The following RGS6 variants were observed in gnomAD, a reference collection of about 807,000 sequenced individuals.
RGS6 encodes regulator of G protein signaling 6.
Under a neutral mutation model 78.5 loss-of-function variants are expected in RGS6, and 30 were observed. That is an observed-to-expected ratio of 0.38 (90% confidence interval 0.29 to 0.52). RGS6 has a LOEUF of 0.52. Among genes scored for constraint, RGS6 ranks in the 20% least tolerant of loss-of-function variants. The pLI, the probability that RGS6 is intolerant of heterozygous loss-of-function variation, is 0.85. For synonymous variants in RGS6, 206 were observed against 206.0 expected, an observed-to-expected ratio of 1.00 and a Z score of 0.00; for missense variants, 495 against 609.7, an observed-to-expected ratio of 0.81 and a Z score of 1.98.
intron 13 of RGS6, among the ~76,000 whole-genome samples, chr14:72,503,047 G>A (rs1235515541): frequency 6.6e-6 from 1 of 152,136 alleles, no homozygotes; most frequent in Non-Finnish European, 1.5e-5. Flanking sequence ...AGTTCTGGAG[G>A]CTGGGAAGTT....
chr14:72,293,238 ATCATGTAACAAGTTCAAGATAATTGTGTT>A (rs1203080857), intron 2 of RGS6, among the ~76,000 whole-genome samples: 1 of 152,210 alleles, frequency 6.6e-6, no homozygotes, highest in Non-Finnish European at 1.5e-5. Context: ...CTTTGCCATT[ATCATGTAACAAGTTCAAGATAATTGTGTT>A]TCATCTCCAG....
the RGS6 span, among the ~76,000 whole-genome samples, chr14:71,883,291 T>G: frequency 6.6e-6 from 1 of 152,228 alleles, no homozygotes; most frequent in Non-Finnish European, 1.5e-5. Flanking sequence ...TCTGGACCTC[T>G]GTGCACCCAC....
chr14:71,998,064 G>A (rs1000537325), intron 2 of RGS6, among the ~76,000 whole-genome samples: 1 of 152,174 alleles, frequency 6.6e-6, no homozygotes, highest in Non-Finnish European at 1.5e-5. Flanking sequence ...GTTTTATACA[G>A]TTTAGGGAGA....
At chr14:71,943,141 C>G (rs941095863) in intron 1 of RGS6, among the ~76,000 whole-genome samples, 2 of 152,154 alleles carry the variant, frequency 1.3e-5, no homozygotes, top group African/African-American at 4.8e-5. Context: ...CTGTGTTGCT[C>G]TCATGAAGAC....
chr14:72,215,522 G>A (rs1006838981), intron 2 of RGS6, among the ~76,000 whole-genome samples: 1 of 152,202 alleles, frequency 6.6e-6, no homozygotes, highest in African/African-American at 2.4e-5. Flanking sequence ...AAACAAAAGA[G>A]GCAGGGTCAT....
At chr14:72,109,181 C>T (rs1328074856) in intron 2 of RGS6, among the ~76,000 whole-genome samples, 1 of 151,742 alleles carries the variant, frequency 6.6e-6, no homozygotes, top group Non-Finnish European at 1.5e-5. Context: ...TTCCCAGCAG[C>T]TTCTCTCCAG....
chr14:72,399,524 A>AT lies in RGS6; in HGVS notation c.184+47333dup, dbSNP rs965763670. Among the ~76,000 whole-genome samples, 20 of 152,220 alleles carry AT rather than the reference A, an allele frequency of 1.3e-4. 1 individual carries two copies. The highest frequency in any genetic ancestry group is 1.2e-3 in the Admixed American group (18 of 15,290). ...GTCTTTTAATTAGAGCATTTGGCCC[A>AT]TTTACATTTAAGGTTAGTATTGTTA... On this transcript the variant is annotated intron_variant, in intron 3 of 17. Transcript: ENST00000553525.
intron 2 of RGS6, among the ~76,000 whole-genome samples, chr14:72,093,033 A>AGTGTGT (rs10567555): frequency 3.3e-5 from 5 of 149,542 alleles, no homozygotes; most frequent in African/African-American, 1.2e-4. Context: ...ACATACCAAA[A>AGTGTGT]GTGTGTGTGT....
At chr14:71,879,195 A>T in the RGS6 span, among the ~76,000 whole-genome samples, 1 of 152,182 alleles carries the variant, frequency 6.6e-6, no homozygotes, top group Non-Finnish European at 1.5e-5. Flanking sequence ...AATTATTTTC[A>T]TTTGCCCTCT....
chr14:72,046,490 T>C (rs2092847502), intron 2 of RGS6, among the ~76,000 whole-genome samples: 1 of 152,114 alleles, frequency 6.6e-6, no homozygotes, highest in Non-Finnish European at 1.5e-5. Flanking sequence ...GTAAGTAACT[T>C]ATTTTGATCA....
intron 2 of RGS6, among the ~76,000 whole-genome samples, chr14:72,321,588 A>G (rs2072045022): frequency 6.6e-6 from 1 of 152,076 alleles, no homozygotes; most frequent in Non-Finnish European, 1.5e-5. Context: ...ATTTAGAACA[A>G]AAAGCATTAA....
chr14:72,270,432 C>T (rs113454743), intron 2 of RGS6, among the ~76,000 whole-genome samples: 2 of 152,198 alleles, frequency 1.3e-5, no homozygotes, highest in African/African-American at 4.8e-5. Context: ...GGCAAAGACT[C>T]TGATGTGGTG....
At chr14:72,430,720 C>A (rs1470455424) in intron 3 of RGS6, among the ~76,000 whole-genome samples, 2 of 152,076 alleles carry the variant, frequency 1.3e-5, no homozygotes, top group African/African-American at 4.8e-5. Flanking sequence ...TGTGTTTCTT[C>A]ACCAGGGCAT....
intron 2 of RGS6, among the ~76,000 whole-genome samples, chr14:72,184,369 A>ACACACAC (rs2097210745): frequency 7.1e-6 from 1 of 141,284 alleles, no homozygotes; most frequent in Non-Finnish European, 1.5e-5. Context: ...TTTACTTTCA[A>ACACACAC]ACACACACAC....
intron 2 of RGS6, among the ~76,000 whole-genome samples, chr14:72,090,049 C>T (rs1278367685): frequency 2.0e-5 from 3 of 149,048 alleles, no homozygotes; most frequent in African/African-American, 7.5e-5. Flanking sequence ...CTTTAAAAGC[C>T]TTCAGCAGAG....
At chr14:72,302,109 A>G (rs1174409560) in intron 2 of RGS6, among the ~76,000 whole-genome samples, 1 of 152,130 alleles carries the variant, frequency 6.6e-6, no homozygotes, top group African/African-American at 2.4e-5. Flanking sequence ...CATTATCCCA[A>G]CCTCAGCTTC....
At chr14:72,512,810 T>C (rs780513575) in intron 14 of RGS6, among the ~76,000 whole-genome samples, 1 of 152,204 alleles carries the variant, frequency 6.6e-6, no homozygotes, top group Non-Finnish European at 1.5e-5. Context: ...CCCCGTTCCA[T>C]TGCGTTCATC....
intron 2 of RGS6, among the ~76,000 whole-genome samples, chr14:71,965,556 G>A (rs920195765): frequency 6.6e-6 from 1 of 152,204 alleles, no homozygotes; most frequent in Non-Finnish European, 1.5e-5. Context: ...TGGTTAGCTT[G>A]GACATAGGAT....
intron 2 of RGS6, among the ~76,000 whole-genome samples, chr14:72,223,885 T>A (rs12147792): frequency 0.067 from 10,239 of 152,328 alleles, 511 homozygotes; most frequent in East Asian, 0.32. Context: ...GCTAGGGCCC[T>A]GGAATCTGTG....
Sources: allele counts gnomAD v4.1 joint callset (sites outside exome capture counted in the v4.1 genomes callset), GRCh38; gene constraint gnomAD v4.1.1; transcripts MANE v1.5; gene names NCBI Gene and HGNC (gene_info 2026-07-23, HGNC 2026-07-21).